Variants in VPS37A observed in about 807,000 individuals in gnomAD.
VPS37A encodes the protein VPS37A subunit of ESCRT-I, also known as vacuolar protein sorting-associated protein 37A.
In VPS37A, 30 loss-of-function variants were observed where a neutral mutation model predicts 49.8. The ratio of observed to expected loss-of-function variants is 0.60; its 90% CI spans 0.45 to 0.82. The LOEUF is 0.82. Among genes scored for constraint, VPS37A ranks in the 40% least tolerant of loss-of-function variants. VPS37A has a pLI of 0.00. For synonymous variants in VPS37A, 195 were observed against 160.6 expected (o/e 1.21, Z -1.62); for missense variants, 593 against 464.4 (o/e 1.28, Z -2.55).
intron 2 of VPS37A, among the ~76,000 whole-genome samples, chr8:17,266,370 C>A (rs1219947471): frequency 2.6e-5 from 4 of 152,268 alleles, no homozygotes; most frequent in African/African-American, 9.6e-5. Context: ...ATTTCAGCAA[C>A]AGATATACTA....
At chr8:17,309,672 G>A in the VPS37A span, among the ~76,000 whole-genome samples, 3 of 152,316 alleles carry the variant, frequency 2.0e-5, no homozygotes, top group Non-Finnish European at 4.4e-5. Flanking sequence ...CCGAAGGAAA[G>A]AGGTTTCATA....
downstream of VPS37A, chr8:17,302,429 A>G (rs913864810): frequency 2.5e-6 from 2 of 794,050 alleles, 1 homozygote; most frequent in South Asian, 4.9e-5. Context: ...TTAAGGTAAT[A>G]ATTTCATGTT....
chr8:17,293,851 G>A (rs1031324170), intron 11 of VPS37A, among the ~76,000 whole-genome samples: 1 of 152,174 alleles, frequency 6.6e-6, no homozygotes, highest in African/African-American at 2.4e-5. Flanking sequence ...CACCTGCAAA[G>A]TGCCAGCCAG....
downstream of VPS37A, chr8:17,302,259 G>T (rs1351159101): frequency 1.2e-6 from 2 of 1,613,794 alleles, no homozygotes; most frequent in East Asian, 2.2e-5. Flanking sequence ...TTTCAAAGCG[G>T]TTATACATTC....
chr8:17,308,440 A>G, the VPS37A span, among the ~76,000 whole-genome samples: 1 of 152,238 alleles, frequency 6.6e-6, no homozygotes, highest in Non-Finnish European at 1.5e-5. Flanking sequence ...ATTCCTGAAA[A>G]TCACAGAATT....
At chr8:17,302,713 C>G (rs987339900), downstream of VPS37A, among the ~76,000 whole-genome samples, 1 of 76,126 alleles carries the variant, frequency 1.3e-5, no homozygotes, top group African/African-American at 3.7e-5. Context: ...ACCCCCCCCC[C>G]CCCGCTTTTT....
At chr8:17,313,959 C>T in the VPS37A span, among the ~76,000 whole-genome samples, 2 of 152,170 alleles carry the variant, frequency 1.3e-5, no homozygotes, top group Non-Finnish European at 2.9e-5. Context: ...TTAAAAATAA[C>T]ACATATGCCT....
rs1816596773 is a variant in VPS37A at position 17,295,962 on chromosome 8, C to T, written c.*976C>T. 6.6e-6 allele frequency: 1 copy of T among 152,098 alleles called. No individual in the cohort carries two copies. The highest frequency in any genetic ancestry group is 1.5e-5 in the Non-Finnish European group (1 of 68,016). 9.4% of individuals were successfully genotyped at this position (152,098 alleles called of 1,614,324 possible). Reference sequence around the variant, plus strand: ...AGCAGTTTGCTTCTATACCGTGTCACAAAATTCATGTATTTCTTGAGAAGC... The same window carrying T: ...AGCAGTTTGCTTCTATACCGTGTCATAAAATTCATGTATTTCTTGAGAAGC... On this transcript the variant is annotated 3_prime_UTR_variant, in exon 12 of 12. Coordinates refer to ENST00000324849, the MANE Select transcript of VPS37A (RefSeq NM_152415.3).
At chr8:17,333,298 T>C in the VPS37A span, among the ~76,000 whole-genome samples, 1 of 152,216 alleles carries the variant, frequency 6.6e-6, no homozygotes. Context: ...TTAAGAAGTA[T>C]AAATATTTTA....
intron 10 of VPS37A, among the ~76,000 whole-genome samples, chr8:17,284,821 G>C (rs1000165158): frequency 6.6e-6 from 1 of 152,098 alleles, no homozygotes; most frequent in Non-Finnish European, 1.5e-5. Context: ...AAACTTTGAA[G>C]GTCTGTCATA....
At chr8:17,264,373 G>A (rs1244729002) in intron 1 of VPS37A, among the ~76,000 whole-genome samples, 7 of 152,158 alleles carry the variant, frequency 4.6e-5, no homozygotes, top group Non-Finnish European at 7.4e-5. Flanking sequence ...TGATTATGTG[G>A]TGTTCATACA....
In VPS37A at chr8:17,297,186, T is replaced by C. The variant is rs544825254; in HGVS notation, c.*2200T>C. On this transcript the variant is annotated 3_prime_UTR_variant, in exon 12 of 12. Transcript: ENST00000324849. ...AGAAATCAGAATTAAAGAGGAATAC[T>C]TAGGAGTTACTAGGCTAATCAGTGT... 6.6e-6 allele frequency: 1 copy of C among 152,312 alleles called. No homozygotes were observed. The highest frequency in any genetic ancestry group is 1.9e-4 in the East Asian group (1 of 5,196). 9.4% of individuals were successfully genotyped at this position (152,312 alleles called of 1,614,324 possible). A position where few individuals can be genotyped will look rare whatever the true frequency, so the allele number is the denominator to read the frequency against.
At chr8:17,255,049 CTCAT>C (rs1812312878) in intron 1 of VPS37A, among the ~76,000 whole-genome samples, 1 of 152,228 alleles carries the variant, frequency 6.6e-6, no homozygotes, top group South Asian at 2.1e-4. Context: ...ACACTGTATG[CTCAT>C]TCAGAGCACA....
In VPS37A at chr8:17,268,272, A is replaced by T. The variant is rs758481758; in HGVS notation, c.215A>T (p.Gln72Leu). The stretch of plus-strand genomic sequence containing the variant: ...ACCTCTACCAGATTGCTTCCTCCAC[A>T]GTTTCCTCAGGAAAAACCAGTGATC... ...TININILLPPQFPQEKPVISV... is the reference protein window; with the variant it reads ...TININILLPPLFPQEKPVISV... Residue 72 changes from glutamine to leucine, a missense_variant, in exon 3 of 12, where the codon CAG becomes CTG. Gln to Leu is a moderately radical substitution (Grantham distance 113). Transcript: ENST00000324849. The T allele has an allele frequency of 5.6e-6, 9 of 1,612,194 alleles. No homozygotes were observed. The African/African-American group carries it at 1.1e-4, about 19-fold the overall frequency.
the VPS37A span, among the ~76,000 whole-genome samples, chr8:17,329,036 C>T: frequency 3.0e-4 from 46 of 152,164 alleles, no homozygotes; most frequent in African/African-American, 1.1e-3. Context: ...GAAACCAGAA[C>T]GCAAACAATT....
chr8:17,303,537 A>G (rs1170883446), downstream of VPS37A, among the ~76,000 whole-genome samples: 2 of 152,080 alleles, frequency 1.3e-5, no homozygotes, highest in African/African-American at 4.8e-5. Flanking sequence ...GAAAAAACAT[A>G]CGTATCTAGC....
intron 1 of VPS37A, among the ~76,000 whole-genome samples, chr8:17,256,876 TC>T (rs1414776634): frequency 6.6e-6 from 1 of 152,130 alleles, no homozygotes; most frequent in African/African-American, 2.4e-5. Context: ...GGTCTCAAAC[TC>T]CTGACCTCAG....
chr8:17,247,454 T>G lies in VPS37A; in HGVS notation c.125+85T>G, dbSNP rs1180617379. ...TAACCACCCTCACAGCGCCTCAGTC[T>G]GCTCCCCACCAGCTCCTCATGTGGT... On this transcript the variant is annotated intron_variant, in intron 1 of 11. Coordinates refer to ENST00000324849, the MANE Select transcript of VPS37A (RefSeq NM_152415.3). The G allele has an allele frequency of 3.3e-5, 49 of 1,495,408 alleles. No homozygotes were observed. The East Asian group carries it at 8.6e-4, about 26-fold the overall frequency. 92.6% of individuals were successfully genotyped at this position (1,495,408 alleles called of 1,614,324 possible).
intron 11 of VPS37A, among the ~76,000 whole-genome samples, chr8:17,292,391 A>C (rs1295719907): frequency 1.3e-5 from 2 of 152,164 alleles, no homozygotes; most frequent in Non-Finnish European, 2.9e-5. Flanking sequence ...TCCTGAATAC[A>C]GCATACTGAT....
Sources: gnomAD v4.1 joint callset for allele counts (sites outside exome capture counted in the v4.1 genomes callset) on GRCh38, gnomAD v4.1.1 for gene constraint, MANE v1.5 for transcripts, NCBI Gene and HGNC (gene_info 2026-07-23, HGNC 2026-07-21) for gene names.